The following ABCC5 variants were observed in gnomAD, a reference collection of about 807,000 sequenced individuals.
ABCC5 encodes the protein ATP binding cassette subfamily C member 5, also known as ATP-binding cassette sub-family C member 5.
In ABCC5, 61 loss-of-function variants were observed where a neutral mutation model predicts 160.9. The observed-to-expected ratio is 0.38, with a 90% CI of 0.31 to 0.47. ABCC5 has a LOEUF of 0.47. Ranked by LOEUF, ABCC5 falls within the 20% of genes least tolerant of loss-of-function variation. ABCC5 has a pLI of 0.99. For synonymous variants in ABCC5, 666 were observed against 700.6 expected (o/e 0.95, Z 0.78); for missense variants, 1,308 against 1,813.3 (o/e 0.72, Z 5.06).
At chr3:183,952,706 T>C (rs1410369196) in intron 18 of ABCC5, among the ~76,000 whole-genome samples, 2 of 152,212 alleles carry the variant, frequency 1.3e-5, no homozygotes, top group African/African-American at 2.4e-5. Flanking sequence ...TCCTTCTCCT[T>C]TGCCTTCCAC....
At chr3:183,930,673 C>T (rs548276713) in intron 26 of ABCC5, among the ~76,000 whole-genome samples, 1 of 152,284 alleles carries the variant, frequency 6.6e-6, no homozygotes, top group South Asian at 2.1e-4. Context: ...CATCCAAAGC[C>T]AAGGAATGCC....
At chr3:183,941,039 T>C (rs1714289225) in intron 25 of ABCC5, among the ~76,000 whole-genome samples, 1 of 152,108 alleles carries the variant, frequency 6.6e-6, no homozygotes, top group Non-Finnish European at 1.5e-5. Flanking sequence ...TCTGTATTTT[T>C]AGTAGAGATG....
At chr3:183,939,864 C>T (rs1487372306) in intron 25 of ABCC5, among the ~76,000 whole-genome samples, 1 of 152,160 alleles carries the variant, frequency 6.6e-6, no homozygotes, top group Non-Finnish European at 1.5e-5. Flanking sequence ...CTACCTTTCT[C>T]GTGCCACCAT....
At chr3:183,960,453 A>T (rs572511990) in intron 16 of ABCC5, among the ~76,000 whole-genome samples, 1 of 152,158 alleles carries the variant, frequency 6.6e-6, no homozygotes, top group Non-Finnish European at 1.5e-5. Flanking sequence ...ATTCAGATAG[A>T]TTCAAGTCTT....
chr3:183,965,059 G>A, intron 14 of ABCC5, 126 bp downstream of exon 14: 1 of 884,712 alleles, frequency 1.1e-6, no homozygotes, highest in Admixed American at 2.3e-5. Context: ...CTAACACAAA[G>A]GCCTAATGAC....
At chr3:183,953,822 C>T (rs991926771) in intron 17 of ABCC5, among the ~76,000 whole-genome samples, 2 of 152,176 alleles carry the variant, frequency 1.3e-5, no homozygotes, top group Non-Finnish European at 2.9e-5. Context: ...TTCGGCACAG[C>T]TGGAACAGAT....
At chr3:183,971,958 T>C in intron 10 of ABCC5, 39 bp from the exon 11 acceptor site, 1 of 1,611,126 alleles carries the variant, frequency 6.2e-7, no homozygotes, top group Non-Finnish European at 8.5e-7. Flanking sequence ...GATGAGACAC[T>C]GGATCAAGAC....
intron 25 of ABCC5, among the ~76,000 whole-genome samples, chr3:183,941,440 C>G (rs1278843160): frequency 6.6e-6 from 1 of 151,904 alleles, no homozygotes; most frequent in Non-Finnish European, 1.5e-5. Context: ...GTAATTCCCT[C>G]AAACAGAAAG....
At chr3:183,999,532 C>T (rs1696767386) in intron 2 of ABCC5, among the ~76,000 whole-genome samples, 1 of 152,092 alleles carries the variant, frequency 6.6e-6, no homozygotes, top group South Asian at 2.1e-4. Context: ...GTAATCTCAG[C>T]ACTGGGAGGC....
intron 24 of ABCC5, among the ~76,000 whole-genome samples, chr3:183,944,769 T>C (rs1293452065): frequency 6.6e-6 from 1 of 152,194 alleles, no homozygotes; most frequent in Non-Finnish European, 1.5e-5. Context: ...CTATCGTTAG[T>C]ATTATTTTAT....
chr3:183,947,428 G>T lies in ABCC5; in HGVS notation c.3310C>A (p.Leu1104Ile), dbSNP rs753069566. 3 of 1,613,600 alleles carry T rather than the reference G, an allele frequency of 1.9e-6. No individual in the cohort carries two copies. ...AMRWLAVRLDLISIALITTTG... is the reference protein window; with the variant it reads ...AMRWLAVRLDIISIALITTTG... ...GTGGTGATGAGGGCGATGCTGATGA[G>T]GTCCAGCCGCACAGCCAGCCACCGC... The change falls in exon 23 of 30, where the codon CTC becomes ATC. Residue 1104 changes from leucine to isoleucine, a missense_variant. Around this residue, in one of 3 missense-constraint regions of ABCC5, gnomAD observed 1,142 missense variants for 1,527.1 expected, o/e 0.75. Coordinates refer to ENST00000334444, the MANE Select transcript of ABCC5 (RefSeq NM_005688.4).
chr3:183,956,200 G>A (rs531245391), intron 17 of ABCC5, among the ~76,000 whole-genome samples: 51 of 135,792 alleles, frequency 3.8e-4, no homozygotes, highest in African/African-American at 1.3e-3. Context: ...AAATCACATC[G>A]GTTACATGCA....
intron 12 of ABCC5, among the ~76,000 whole-genome samples, chr3:183,966,746 T>C (rs1717254609): frequency 6.6e-6 from 1 of 151,996 alleles, no homozygotes; most frequent in Non-Finnish European, 1.5e-5. Flanking sequence ...AGGTGATGCC[T>C]GCCATGATCT....
chr3:183,942,076 G>A (rs1377687942), intron 25 of ABCC5, among the ~76,000 whole-genome samples: 1 of 151,430 alleles, frequency 6.6e-6, no homozygotes, highest in African/African-American at 2.4e-5. Context: ...GTCTCGCTCT[G>A]TCACCCAGGT....
At chr3:184,011,950 C>A (rs760904294) in intron 2 of ABCC5, among the ~76,000 whole-genome samples, 1 of 151,524 alleles carries the variant, frequency 6.6e-6, no homozygotes, top group Admixed American at 6.6e-5. Flanking sequence ...TGTGATGGAA[C>A]CTTTGCATCC....
chr3:183,934,025 G>T (rs1438385485), intron 26 of ABCC5, among the ~76,000 whole-genome samples: 1 of 152,160 alleles, frequency 6.6e-6, no homozygotes, highest in Non-Finnish European at 1.5e-5. Flanking sequence ...AAGAATACTG[G>T]CTGGGCGCGG....
chr3:183,996,009 G>A (rs372005526), intron 2 of ABCC5, among the ~76,000 whole-genome samples: 29 of 152,084 alleles, frequency 1.9e-4, no homozygotes, highest in African/African-American at 5.8e-4. Context: ...GGGTTTCACC[G>A]TGTTGGCCAG....
chr3:183,985,617 T>G (rs1288640191), intron 5 of ABCC5: 1 of 589,018 alleles, frequency 1.7e-6, no homozygotes, highest in African/African-American at 1.8e-5. Context: ...GCTAATTCTT[T>G]ATACACAGAT....
chr3:183,938,347 G>A (rs1486335706), intron 25 of ABCC5, among the ~76,000 whole-genome samples: 3 of 151,994 alleles, frequency 2.0e-5, no homozygotes, highest in Non-Finnish European at 4.4e-5. Context: ...TGCCCAGGCT[G>A]GAGTGCGGTG....
Sources: gnomAD v4.1 joint callset for allele counts (sites outside exome capture counted in the v4.1 genomes callset) on GRCh38, gnomAD v4.1.1 for gene constraint, gnomAD v4.1.1 regional missense constraint, MANE v1.5 for transcripts, NCBI Gene and HGNC (gene_info 2026-07-23, HGNC 2026-07-21) for gene names.